ANXA8: variants seen among roughly 807,000 people sequenced by gnomAD.
ANXA8 encodes annexin A8.
ANXA8 carries 9 observed loss-of-function variants against 26.8 expected under a neutral mutation model. That is an observed-to-expected ratio of 0.34 (90% CI 0.20 to 0.59). The LOEUF (loss-of-function observed/expected upper bound fraction) is 0.59. ANXA8 is among the 20% of genes least tolerant of loss of function. The pLI is 0.84. For missense variants in ANXA8, 83 were observed against 238.5 expected (o/e 0.35, Z 4.29); for synonymous variants, 39 against 94.8 (o/e 0.41, Z 3.42).
chr10:47,477,811 TAAGA>T (rs1243867594), intron 3 of ANXA8: 39 of 24,662 alleles, frequency 1.6e-3, no homozygotes, highest in Admixed American at 3.2e-3. Flanking sequence ...CTGTGAGGAC[TAAGA>T]GAGGGAAACT....
the ANXA8 span, among the ~76,000 whole-genome samples, chr10:47,510,504 AG>A: frequency 7.6e-6 from 1 of 131,182 alleles, no homozygotes; most frequent in Non-Finnish European, 1.6e-5. Context: ...AAACCTAACA[AG>A]GATTTTATGA....
the ANXA8 span, among the ~76,000 whole-genome samples, chr10:47,979,514 C>A: frequency 2.4e-4 from 36 of 151,674 alleles, no homozygotes; most frequent in Admixed American, 2.2e-3. Flanking sequence ...AGGGTATAAA[C>A]CTTGAGATGC....
the ANXA8 span, among the ~76,000 whole-genome samples, chr10:47,975,323 G>A: frequency 1.3e-5 from 2 of 149,010 alleles, no homozygotes; most frequent in Non-Finnish European, 3.0e-5. Flanking sequence ...GGAGGGGTGA[G>A]GTGGCCCATG....
At chr10:47,499,968 A>G in the ANXA8 span, among the ~76,000 whole-genome samples, 42 of 151,442 alleles carry the variant, frequency 2.8e-4, 6 homozygotes, top group East Asian at 2.1e-3. Flanking sequence ...AATGGGTCTC[A>G]CTTTATTGCC....
the ANXA8 span, among the ~76,000 whole-genome samples, chr10:47,761,102 G>GCACACA: frequency 2.2e-3 from 317 of 145,508 alleles, 3 homozygotes; most frequent in African/African-American, 5.8e-3. Flanking sequence ...ACACACACAC[G>GCACACA]CACACACACA....
the ANXA8 span, among the ~76,000 whole-genome samples, chr10:47,733,162 T>TTTCC: frequency 2.0e-5 from 2 of 97,910 alleles, no homozygotes; most frequent in Non-Finnish European, 4.7e-5. Flanking sequence ...TCTTTCTTTC[T>TTTCC]TTCTTTCTTT....
the ANXA8 span, among the ~76,000 whole-genome samples, chr10:47,946,364 T>C: frequency 2.0e-5 from 3 of 150,670 alleles, no homozygotes; most frequent in African/African-American, 7.4e-5. Context: ...GTGTTTAACC[T>C]CTAGTAAACA....
the ANXA8 span, among the ~76,000 whole-genome samples, chr10:47,501,038 T>G: frequency 7.0e-6 from 1 of 143,346 alleles, no homozygotes; most frequent in Admixed American, 7.0e-5. Context: ...GGACTACAGG[T>G]GCCCGCCACC....
chr10:47,655,838 T>C, the ANXA8 span, among the ~76,000 whole-genome samples: 17 of 151,766 alleles, frequency 1.1e-4, no homozygotes, highest in East Asian at 1.9e-4. Context: ...CTGACCAACA[T>C]TGAGAAACTC....
At chr10:47,980,477 A>AT in the ANXA8 span, among the ~76,000 whole-genome samples, 3 of 151,842 alleles carry the variant, frequency 2.0e-5, no homozygotes, top group Non-Finnish European at 4.4e-5. Flanking sequence ...AACAAGAGTA[A>AT]TTGCTTCACT....
the ANXA8 span, among the ~76,000 whole-genome samples, chr10:47,605,948 C>G: frequency 6.7e-6 from 1 of 148,154 alleles, no homozygotes; most frequent in Non-Finnish European, 1.5e-5. Flanking sequence ...AAAAAAAAAT[C>G]AAACATCTAT....
At chr10:47,549,096 T>C in the ANXA8 span, among the ~76,000 whole-genome samples, 2 of 152,196 alleles carry the variant, frequency 1.3e-5, no homozygotes, top group Admixed American at 6.5e-5. Flanking sequence ...ACACATTTCA[T>C]TGTGCACATT....
chr10:47,934,378 A>ATATAACATGGAACATATATGTTCCAT, the ANXA8 span: 5 of 75,502 alleles, frequency 6.6e-5, no homozygotes, highest in African/African-American at 2.0e-4. Flanking sequence ...GCTTTAAAAC[A>ATATAACATGGAACATATATGTTCCAT]GTTACATATA....
the ANXA8 span, among the ~76,000 whole-genome samples, chr10:47,979,574 C>A: frequency 6.6e-6 from 1 of 151,272 alleles, no homozygotes; most frequent in African/African-American, 2.4e-5. Flanking sequence ...TACATGAGTT[C>A]TTAAAAGTGG....
chr10:47,664,533 A>C, the ANXA8 span, among the ~76,000 whole-genome samples: 2 of 151,288 alleles, frequency 1.3e-5, no homozygotes, highest in Non-Finnish European at 2.9e-5. Flanking sequence ...ACGCCACTGC[A>C]CTCCAGCCTG....
chr10:47,721,072 A>G, the ANXA8 span, among the ~76,000 whole-genome samples: 1 of 141,234 alleles, frequency 7.1e-6, no homozygotes, highest in Non-Finnish European at 1.6e-5. Context: ...GTTTGAGCCC[A>G]GGAGATCAAT....
At chr10:47,673,050 C>G in the ANXA8 span, among the ~76,000 whole-genome samples, 1 of 149,616 alleles carries the variant, frequency 6.7e-6, no homozygotes, top group Non-Finnish European at 1.5e-5. Context: ...AAAGGAGAAA[C>G]CAGCCACATT....
the ANXA8 span, among the ~76,000 whole-genome samples, chr10:47,749,993 A>T: frequency 8.5e-5 from 13 of 152,082 alleles, no homozygotes; most frequent in African/African-American, 2.9e-4. Context: ...ACTCTACCAG[A>T]AAACATCAAT....
At chr10:47,544,147 G>A in the ANXA8 span, among the ~76,000 whole-genome samples, 1 of 152,014 alleles carries the variant, frequency 6.6e-6, no homozygotes, top group South Asian at 2.1e-4. Flanking sequence ...GTAGGATGGG[G>A]CCACATCCTG....
Sources: allele counts gnomAD v4.1 joint callset (sites outside exome capture counted in the v4.1 genomes callset), GRCh38; gene constraint gnomAD v4.1.1; transcripts MANE v1.5; gene names NCBI Gene and HGNC (gene_info 2026-07-23, HGNC 2026-07-21).